NOMO2: variants seen among roughly 807,000 people sequenced by gnomAD.
NOMO2 encodes the protein NODAL modulator 2.
Under a neutral mutation model 67.1 loss-of-function variants are expected in NOMO2, and 14 were observed. The observed-to-expected ratio is 0.21, with a 90% confidence interval of 0.14 to 0.33. NOMO2 has a LOEUF of 0.33. NOMO2 is among the 10% of genes least tolerant of loss of function. The pLI is 1.00. For synonymous variants in NOMO2, 80 were observed against 305.9 expected (o/e 0.26, Z 7.71); for missense variants, 178 against 761.0 (o/e 0.23, Z 9.01).
At chr16:18,525,408 C>T (rs1223669171) in intron 16 of NOMO2, among the ~76,000 whole-genome samples, 2 of 149,770 alleles carry the variant, frequency 1.3e-5, no homozygotes, top group African/African-American at 4.9e-5. Flanking sequence ...ATTTGACAGC[C>T]ACAAACATAT....
Position 18,538,549 on chromosome 16 carries a change from C to G in NOMO2, c.1197G>C (p.Gln399His), listed in dbSNP as rs1298727300. ...ACCCTGTTGCAACAATGTCAGCCAG[C>G]TGAGGTGTGTTCGGTGCAATTTTGA... ...VTIKIAPNTP[Q>H]LADIVATGFS... Residue 399 changes from glutamine (Q) to histidine (H), a missense_variant, in exon 11 of 31, where the codon CAG becomes CAC. By Grantham distance (24) the Gln-to-His change is conservative. Transcript: ENST00000622306. The G allele has an allele frequency of 8.1e-6, 13 of 1,613,480 alleles. No individual in the cohort carries two copies. Among genetic ancestry groups the G allele is most frequent in the Middle Eastern group, 3.3e-4 (2 of 6,076 alleles).
intron 11 of NOMO2, among the ~76,000 whole-genome samples, chr16:18,534,050 A>G (rs1024029211): frequency 2.6e-5 from 4 of 152,074 alleles, no homozygotes; most frequent in African/African-American, 9.7e-5. Flanking sequence ...CATAAAGATA[A>G]TCAAGAATGT....
chr16:18,550,825 T>C lies in NOMO2; in HGVS notation c.402+614A>G, dbSNP rs1901767739. Among the ~76,000 whole-genome samples, 2 of 151,996 alleles carry C rather than the reference T, an allele frequency of 1.3e-5. 1 individual carries two copies. The highest frequency in any genetic ancestry group is 2.9e-5 in the Non-Finnish European group (2 of 67,996). The stretch of plus-strand genomic sequence containing the variant: ...GCCACAAGGCTTAGAGAGTGCGTCC[T>C]TCCAATTCGGCATCCCTGTAAAAGG... On this transcript the variant is annotated intron_variant, in intron 4 of 30. Coordinates refer to ENST00000622306, the MANE Select transcript of NOMO2 (RefSeq NM_173614.4).
At chr16:18,529,274 G>C (rs1901235564) in intron 15 of NOMO2, 10 of 628,388 alleles carry the variant, frequency 1.6e-5, no homozygotes, top group Non-Finnish European at 2.8e-5. Flanking sequence ...TCACCAGTCA[G>C]ATTTAGTGTA....
At chr16:18,528,287 A>G (rs1901196006) in intron 15 of NOMO2, among the ~76,000 whole-genome samples, 1 of 151,314 alleles carries the variant, frequency 6.6e-6, no homozygotes, top group Non-Finnish European at 1.5e-5. Flanking sequence ...AAAGGATCTT[A>G]TTACAAGAGA....
rs531326846 is a variant in NOMO2, at chr16:18,553,596, G to T, written c.301+1211C>A. ...GTGCTATCTTATCATCTGGATGGTGGATACATGGGTGTGTTCACTTAGTGA... is the reference window on the plus strand; with the variant it reads ...GTGCTATCTTATCATCTGGATGGTGTATACATGGGTGTGTTCACTTAGTGA... On this transcript the variant is annotated intron_variant, in intron 3 of 30. Coordinates refer to ENST00000622306, the MANE Select transcript of NOMO2 (RefSeq NM_173614.4). Among the ~76,000 whole-genome samples, 600 of 149,698 alleles carry T rather than the reference G, an allele frequency of 4.0e-3. 2 individuals are homozygous for T. Among genetic ancestry groups the T allele is most frequent in the African/African-American group, 0.014 (577 of 40,798 alleles).
At position 18,531,350 on chromosome 16, in the gene NOMO2, C is replaced by T. The variant is rs542612090; in HGVS notation, c.1537+116G>A. The T allele has an allele frequency of 1.6e-5, 24 of 1,538,888 alleles. No individual in the cohort carries two copies. The South Asian group carries it at 1.6e-4, about 10-fold the overall frequency. On this transcript the variant is annotated intron_variant, in intron 13 of 30. Transcript: ENST00000622306. ...CCACTTGACTCCAAGAAGCCTCCCT[C>T]GCACGCAGGTGATCAGTAGCAAACA...
rs1047052309 is a variant in NOMO2 at position 18,531,674 on chromosome 16, G to A, written c.1396-67C>T. On this transcript the variant is annotated intron_variant, in intron 12 of 30. Coordinates refer to ENST00000622306, the MANE Select transcript of NOMO2 (RefSeq NM_173614.4). ...AGATCTTCCCCCTGACCTACAGGGC[G>A]CTAGAACATTCATCTGGGACTAAGG... 4.1e-5 allele frequency: 65 copies of A among 1,600,970 alleles called. No homozygotes were observed. The African/African-American group carries it at 5.5e-4, about 14-fold the overall frequency.
chr16:18,539,822 ATGTGTCTGTGTC>A (rs991853524), intron 9 of NOMO2, among the ~76,000 whole-genome samples: 3 of 149,528 alleles, frequency 2.0e-5, no homozygotes, highest in Non-Finnish European at 2.9e-5. Flanking sequence ...CCCATGCTCC[ATGTGTCTGTGTC>A]TGTGTCTGTG....
chr16:18,539,672 G>A lies in NOMO2; in HGVS notation c.964-708C>T, dbSNP rs1209364367. ...CTCGGGAGGCTGAGGCAGGAGAATC[G>A]CTTCAACTCGGGATGCGGAGGTTGC... On this transcript the variant is annotated intron_variant, in intron 9 of 30. Transcript: ENST00000622306. Among the ~76,000 whole-genome samples the A allele has an allele frequency of 8.0e-4, 121 of 151,728 alleles. 1 individual carries two copies. Among genetic ancestry groups the A allele is most frequent in the Non-Finnish European group, 1.5e-3 (102 of 67,896 alleles).
chr16:18,555,465 G>A (rs989787663), intron 2 of NOMO2, among the ~76,000 whole-genome samples: 1 of 148,026 alleles, frequency 6.8e-6, no homozygotes, highest in African/African-American at 2.5e-5. Context: ...AGCCCAGGAG[G>A]TCAGTGCTGC....
Position 18,536,084 on chromosome 16 carries a change from C to T in NOMO2, c.1220+2442G>A, listed in dbSNP as rs556292066. Among the ~76,000 whole-genome samples the T allele has an allele frequency of 1.2e-3, 187 of 152,182 alleles. 2 individuals carry two copies. Among genetic ancestry groups the T allele is most frequent in the African/African-American group, 4.3e-3 (180 of 41,528 alleles). The stretch of plus-strand genomic sequence containing the variant: ...GTGCTGAGATCATAGGCGTGAGCCA[C>T]CATGCCCGGCCAACCAACAGACAAC... On this transcript the variant is annotated intron_variant, in intron 11 of 30. Transcript: ENST00000622306.
intron 3 of NOMO2, among the ~76,000 whole-genome samples, chr16:18,553,466 C>T (rs1353012805): frequency 6.6e-6 from 1 of 150,726 alleles, no homozygotes; most frequent in Non-Finnish European, 1.5e-5. Flanking sequence ...CAAAACAGAC[C>T]AAATGGATCT....
intron 6 of NOMO2, among the ~76,000 whole-genome samples, chr16:18,546,315 G>A (rs1351048515): frequency 2.5e-4 from 14 of 55,042 alleles, no homozygotes; most frequent in South Asian, 8.6e-4. Context: ...GTATCTGGCC[G>A]AGTGCACTGG....
At chr16:18,539,530 G>A (rs865899161) in intron 9 of NOMO2, among the ~76,000 whole-genome samples, 2 of 151,880 alleles carry the variant, frequency 1.3e-5, no homozygotes, top group African/African-American at 4.8e-5. Flanking sequence ...GCCGAGGCAG[G>A]CAGATCACTT....
In NOMO2 at chr16:18,535,638, C is replaced by G. The variant is rs550707604; in HGVS notation, c.1221-2459G>C. Among the ~76,000 whole-genome samples, 6 of 152,002 alleles carry G rather than the reference C, an allele frequency of 3.9e-5. No homozygotes were observed. In the South Asian group the frequency reaches 1.3e-3, roughly 32 times the overall value. On this transcript the variant is annotated intron_variant, in intron 11 of 30. Transcript: ENST00000622306. ...CCCTCGCCTGCCAGCCGCCTGGGCC[C>G]GGCCACTACCATATCTCCTCCAGAC...
Position 18,561,954 on chromosome 16 carries a change from C to G in NOMO2, c.87G>C (p.Ala29=). 1.9e-6 allele frequency: 3 copies of G among 1,572,688 alleles called. No individual in the cohort carries two copies. The highest frequency in any genetic ancestry group is 2.6e-6 in the Non-Finnish European group (3 of 1,161,198). Residue 29 remains alanine, a synonymous_variant, in exon 1 of 31, where the codon GCG becomes GCC. Transcript: ENST00000622306. The part of the protein sequence containing the change: ...VVLLLSGVGP[A]HGSEDIVVGC... ...CCACCACGATGTCCTCCGAGCCGTG[C>G]GCCGGCCCCACGCCGCTCAGCAGCA...
At chr16:18,528,435 G>A (rs1901200206) in intron 15 of NOMO2, among the ~76,000 whole-genome samples, 1 of 151,886 alleles carries the variant, frequency 6.6e-6, no homozygotes, top group African/African-American at 2.4e-5. Context: ...GGAGTAAGTT[G>A]GCACATGAAA....
At chr16:18,556,912 G>C (rs559383339) in intron 2 of NOMO2, among the ~76,000 whole-genome samples, 1 of 151,998 alleles carries the variant, frequency 6.6e-6, no homozygotes, top group Non-Finnish European at 1.5e-5. Context: ...GTTCACTTGA[G>C]GTCAGGAGTT....
Sources: allele counts gnomAD v4.1 joint callset (sites outside exome capture counted in the v4.1 genomes callset), GRCh38; gene constraint gnomAD v4.1.1; transcripts MANE v1.5; gene names NCBI Gene and HGNC (gene_info 2026-07-23, HGNC 2026-07-21).